The following DLG2 variants were observed in gnomAD, a reference collection of about 807,000 sequenced individuals.
DLG2 encodes the protein discs large MAGUK scaffold protein 2, also known as disks large homolog 2.
DLG2 carries 45 observed loss-of-function variants against 132.5 expected under a neutral mutation model. That is an observed-to-expected ratio of 0.34 (90% CI 0.27 to 0.44). DLG2 has a LOEUF of 0.44. Among genes scored for constraint, DLG2 ranks in the 20% least tolerant of loss-of-function variants. DLG2 has a pLI of 1.00. For synonymous variants in DLG2, 424 were observed against 419.6 expected (o/e 1.01, Z -0.13); for missense variants, 1,045 against 1,196.9 (o/e 0.87, Z 1.87).
rs545703686 is a variant in DLG2 at position 83,987,534 on chromosome 11, A to C, written c.920-6892T>G. ...ATGGAACAGAACAGAGCCCTCAGAA[A>C]TAATACCGCATATCTACAACTATCT... is the stretch of plus-strand genomic sequence containing the variant. On this transcript the variant is annotated intron_variant, in intron 11 of 27. Coordinates refer to ENST00000376104, the MANE Select transcript of DLG2 (RefSeq NM_001142699.3). Among the ~76,000 whole-genome samples, 26 of 152,286 alleles carry C rather than the reference A, an allele frequency of 1.7e-4. No individual in the cohort carries two copies. The South Asian group carries it at 4.4e-3, about 26-fold the overall frequency.
At chr11:85,602,388 T>C (rs953484085) in intron 2 of DLG2, among the ~76,000 whole-genome samples, 1 of 151,768 alleles carries the variant, frequency 6.6e-6, no homozygotes, top group African/African-American at 2.4e-5. Context: ...GTCTTTTCTC[T>C]TTTTTTTCTT....
chr11:85,606,686 C>T (rs2080573233), intron 2 of DLG2, among the ~76,000 whole-genome samples: 1 of 152,172 alleles, frequency 6.6e-6, no homozygotes, highest in Non-Finnish European at 1.5e-5. Context: ...TGCTGCTGCT[C>T]ACTCTTTGGG....
chr11:85,342,449 C>T (rs947431939), intron 3 of DLG2, among the ~76,000 whole-genome samples: 5 of 152,144 alleles, frequency 3.3e-5, no homozygotes, highest in Admixed American at 1.3e-4. Flanking sequence ...TGTTCAGGGG[C>T]ATGGAGCTGT....
intron 6 of DLG2, among the ~76,000 whole-genome samples, chr11:84,555,951 G>C (rs1340607618): frequency 6.6e-6 from 1 of 152,208 alleles, no homozygotes; most frequent in Middle Eastern, 3.2e-3. Context: ...GCAAGTGGCA[G>C]AGCCTGCAGG....
At chr11:84,362,796 G>T (rs1473560729) in intron 7 of DLG2, among the ~76,000 whole-genome samples, 1 of 152,090 alleles carries the variant, frequency 6.6e-6, no homozygotes, top group Non-Finnish European at 1.5e-5. Context: ...TACTGAGAAT[G>T]ATGATTTCCA....
At chr11:84,960,264 G>A (rs148154802) in intron 6 of DLG2, among the ~76,000 whole-genome samples, 145 of 152,014 alleles carry the variant, frequency 9.5e-4, no homozygotes, top group Middle Eastern at 6.8e-3. Flanking sequence ...ACACTATTAC[G>A]AATCATCCTG....
chr11:85,204,738 C>A (rs534397490), intron 4 of DLG2, among the ~76,000 whole-genome samples: 1 of 151,896 alleles, frequency 6.6e-6, no homozygotes, highest in African/African-American at 2.4e-5. Flanking sequence ...CAATCCTGGG[C>A]AAAAAGTAAA....
chr11:83,965,366 T>C lies in DLG2; in HGVS notation c.1159A>G (p.Ile387Val), dbSNP rs747148833. The C allele has an allele frequency of 5.6e-6, 9 of 1,612,464 alleles. No homozygotes were observed. Among genetic ancestry groups the C allele is most frequent in the Non-Finnish European group, 7.6e-6 (9 of 1,178,910 alleles). ...GGACCATAAGGATCAGTCATATAAA[T>C]GGTAGTGGGTTTGCCAACTTTTAAA... Reference protein sequence around the residue: ...VYLKVGKPTTIYMTDPYGPPD... With the variant: ...VYLKVGKPTTVYMTDPYGPPD... The change falls in exon 13 of 28, where the codon ATT becomes GTT. Residue 387 changes from isoleucine to valine, a missense_variant. This residue lies in a region of DLG2 where 261 missense variants were observed against 256.1 expected (regional missense o/e 1.02). Coordinates refer to ENST00000376104, the MANE Select transcript of DLG2 (RefSeq NM_001142699.3).
At chr11:85,593,818 T>G (rs2079538569) in intron 3 of DLG2, among the ~76,000 whole-genome samples, 2 of 152,136 alleles carry the variant, frequency 1.3e-5, no homozygotes, top group Admixed American at 1.3e-4. Flanking sequence ...TTACTCAAAC[T>G]AAAACTCTTA....
intron 6 of DLG2, among the ~76,000 whole-genome samples, chr11:84,928,982 G>GTGTGTGTGTGTATATATA (rs1400906684): frequency 3.5e-4 from 17 of 49,112 alleles, no homozygotes; most frequent in East Asian, 2.2e-3. Flanking sequence ...GTGTGTGTGT[G>GTGTGTGTGTGTATATATA]TATATATATA....
At chr11:84,188,473 C>T (rs893141777) in intron 8 of DLG2, among the ~76,000 whole-genome samples, 1 of 152,058 alleles carries the variant, frequency 6.6e-6, no homozygotes, top group East Asian at 1.9e-4. Context: ...AGCACATTGA[C>T]CAAGTTCAGC....
intron 8 of DLG2, among the ~76,000 whole-genome samples, chr11:84,190,000 A>AT (rs1442265607): frequency 3.3e-5 from 5 of 152,064 alleles, no homozygotes; most frequent in Admixed American, 1.3e-4. Flanking sequence ...AGAAAAAAAA[A>AT]AAAGCTTGGA....
chr11:85,625,872 G>A (rs901688166), intron 2 of DLG2, among the ~76,000 whole-genome samples: 1 of 152,200 alleles, frequency 6.6e-6, no homozygotes, highest in African/African-American at 2.4e-5. Context: ...AACCTGGGGT[G>A]CATCTAAGCT....
At position 83,640,359 on chromosome 11, in the gene DLG2, C is replaced by T. The variant is rs932154997; in HGVS notation, c.1826-7034G>A. On this transcript the variant is annotated intron_variant, in intron 18 of 27. Coordinates refer to ENST00000376104, the MANE Select transcript of DLG2 (RefSeq NM_001142699.3). ...CAATGGTGTGTAGTCTGTTGGGGGT[C>T]ACAATATTGTTTACCTGGATGTGAC... Among the ~76,000 whole-genome samples the T allele has an allele frequency of 7.9e-5, 12 of 152,020 alleles. 1 individual carries two copies. The highest frequency in any genetic ancestry group is 1.5e-4 in the Non-Finnish European group (10 of 67,992).
intron 11 of DLG2, among the ~76,000 whole-genome samples, chr11:84,027,217 C>G (rs1333641397): frequency 6.6e-6 from 1 of 152,070 alleles, no homozygotes; most frequent in Non-Finnish European, 1.5e-5. Flanking sequence ...ATTAAAGTAA[C>G]TTTGCTTTAA....
chr11:85,149,898 A>G lies in DLG2; in HGVS notation c.282+4658T>C, dbSNP rs75986300. On this transcript the variant is annotated intron_variant, in intron 5 of 27. Coordinates refer to ENST00000376104, the MANE Select transcript of DLG2 (RefSeq NM_001142699.3). ...GCAGAGTGACAATAAACAATTAAAA[A>G]CTAAGGAGAGCCACTACTCTATATT... Among the ~76,000 whole-genome samples the G allele has an allele frequency of 9.5e-3, 1,438 of 152,142 alleles. 20 individuals are homozygous for G. Among genetic ancestry groups the G allele is most frequent in the African/African-American group, 0.031 (1,299 of 41,496 alleles).
intron 3 of DLG2, among the ~76,000 whole-genome samples, chr11:85,590,468 T>TAG (rs2079241019): frequency 6.6e-6 from 1 of 152,158 alleles, no homozygotes; most frequent in African/African-American, 2.4e-5. Context: ...GGATGGATGT[T>TAG]TATACTAAGA....
intron 7 of DLG2, among the ~76,000 whole-genome samples, chr11:84,506,684 C>T (rs909534020): frequency 6.6e-6 from 1 of 152,088 alleles, no homozygotes; most frequent in African/African-American, 2.4e-5. Context: ...TTGCTTTATA[C>T]CATGAAGCTT....
At chr11:83,604,796 C>T (rs2059080139) in intron 19 of DLG2, among the ~76,000 whole-genome samples, 1 of 151,924 alleles carries the variant, frequency 6.6e-6, no homozygotes, top group African/African-American at 2.4e-5. Flanking sequence ...TTGCTGTGAA[C>T]CTAAAACTGC....
Sources: allele counts gnomAD v4.1 joint callset (sites outside exome capture counted in the v4.1 genomes callset), GRCh38; gene constraint gnomAD v4.1.1; regional missense constraint gnomAD v4.1.1; transcripts MANE v1.5; gene names NCBI Gene and HGNC (gene_info 2026-07-23, HGNC 2026-07-21).